Variants in CFH observed in about 807,000 individuals in gnomAD.
The protein encoded by CFH is H factor 1 (complement).
A neutral mutation model predicts 147.3 loss-of-function variants in CFH; 53 were observed. That is an observed-to-expected ratio of 0.36 (90% CI 0.29 to 0.45). CFH has a LOEUF of 0.45. CFH is among the 20% of genes least tolerant of loss of function. The probability of loss-of-function intolerance (pLI) is 1.00; values close to 1 mark genes in which losing one functional copy is unlikely to be tolerated. For synonymous variants in CFH, 536 were observed against 489.4 expected (o/e 1.10, Z -1.26); for missense variants, 1,380 against 1,498.0 (o/e 0.92, Z 1.30).
chr1:196,708,686 A>G (rs1668652534), intron 9 of CFH, among the ~76,000 whole-genome samples: 1 of 152,084 alleles, frequency 6.6e-6, no homozygotes, highest in Non-Finnish European at 1.5e-5. Context: ...TATTTGTGGC[A>G]TAGGATCAGA....
At chr1:196,666,513 G>A (rs982160382) in intron 1 of CFH, among the ~76,000 whole-genome samples, 1 of 151,734 alleles carries the variant, frequency 6.6e-6, no homozygotes, top group African/African-American at 2.4e-5. Flanking sequence ...CTTGCCAAGT[G>A]CGGTGGCTCA....
intron 15 of CFH, among the ~76,000 whole-genome samples, chr1:196,731,364 A>T (rs1317161434): frequency 6.6e-6 from 1 of 151,882 alleles, no homozygotes; most frequent in African/African-American, 2.4e-5. Context: ...ATAGGAACTG[A>T]ATTTTGATTA....
rs549213437 is a variant in CFH at position 196,658,407 on chromosome 1, AT to A, written c.58+6254del. Among the ~76,000 whole-genome samples, 780 of 92,250 alleles carry A rather than the reference AT, an allele frequency of 8.5e-3. 8 individuals are homozygous for A. Among genetic ancestry groups the A allele is most frequent in the East Asian group, 0.02 (60 of 2,964 alleles). 60.5% of individuals were successfully genotyped at this position (92,250 alleles called of 152,430 possible). A position where few individuals can be genotyped will look rare whatever the true frequency, so the allele number is the denominator to read the frequency against. ...GGATTACAGCCACCTTGCTCAGGTA[AT>A]TTTTTTTTTTTTTTTTTTTTTGAGA... is the stretch of plus-strand genomic sequence containing the variant. On this transcript the variant is annotated intron_variant, in intron 1 of 21. Coordinates refer to ENST00000367429, the MANE Select transcript of CFH (RefSeq NM_000186.4).
intron 9 of CFH, among the ~76,000 whole-genome samples, chr1:196,695,615 A>T (rs1409432035): frequency 2.0e-5 from 3 of 152,070 alleles, no homozygotes; most frequent in Non-Finnish European, 4.4e-5. Flanking sequence ...CATTTTCATG[A>T]TATTGATTCT....
At chr1:196,694,251 T>C (rs1668170516) in intron 9 of CFH, among the ~76,000 whole-genome samples, 1 of 151,990 alleles carries the variant, frequency 6.6e-6, no homozygotes, top group South Asian at 2.1e-4. Flanking sequence ...TGAGAATATG[T>C]GGTGTTTTGT....
chr1:196,704,639 T>C (rs1453679997), intron 9 of CFH, among the ~76,000 whole-genome samples: 3 of 152,202 alleles, frequency 2.0e-5, no homozygotes, highest in African/African-American at 7.2e-5. Context: ...TCAAGTTTTG[T>C]GCAGGAGTGG....
chr1:196,702,997 C>T (rs1668499182), intron 9 of CFH, among the ~76,000 whole-genome samples: 1 of 152,142 alleles, frequency 6.6e-6, no homozygotes, highest in Non-Finnish European at 1.5e-5. Context: ...TGATGTTTAT[C>T]CAACAAAGTG....
intron 1 of CFH, among the ~76,000 whole-genome samples, chr1:196,662,759 G>C (rs1323372683): frequency 6.6e-6 from 1 of 151,998 alleles, no homozygotes; most frequent in Non-Finnish European, 1.5e-5. Context: ...GTTTGTGACT[G>C]TAGTCACAGC....
intron 21 of CFH, 96 bp downstream of exon 21, chr1:196,746,095 C>A (rs1652994370): frequency 1.9e-6 from 3 of 1,595,310 alleles, no homozygotes; most frequent in Non-Finnish European, 2.6e-6. Flanking sequence ...ATTGAACAAC[C>A]ATTCTGCTGA....
intron 5 of CFH, chr1:196,677,874 C>G (rs1667512332): frequency 1.8e-6 from 1 of 542,240 alleles, no homozygotes; most frequent in Non-Finnish European, 3.3e-6. Flanking sequence ...TTACTCATCA[C>G]TTTCATTTTA....
chr1:196,672,886 T>C, intron 1 of CFH, 92 bp from the exon 2 acceptor site: 1 of 992,392 alleles, frequency 1.0e-6, no homozygotes. Context: ...GACCTGTGAC[T>C]GTCTAGGCAT....
At chr1:196,743,844 G>GA (rs540824690) in intron 20 of CFH, among the ~76,000 whole-genome samples, 1 of 152,046 alleles carries the variant, frequency 6.6e-6, no homozygotes, top group African/African-American at 2.4e-5. Context: ...GTTGGAACCT[G>GA]AAAAACAATA....
intron 9 of CFH, among the ~76,000 whole-genome samples, chr1:196,697,683 C>T (rs576470316): frequency 5.9e-5 from 9 of 152,206 alleles, no homozygotes; most frequent in African/African-American, 1.9e-4. Flanking sequence ...ATAAATCATG[C>T]TGCTATAAAG....
chr1:196,687,460 T>G (rs1667867098), intron 7 of CFH, among the ~76,000 whole-genome samples: 1 of 152,054 alleles, frequency 6.6e-6, no homozygotes, highest in Non-Finnish European at 1.5e-5. Flanking sequence ...TTATGCCTCC[T>G]TTTTATTCCT....
Position 196,713,533 on chromosome 1 carries a change from T to G in CFH, c.1337-202T>G, listed in dbSNP as rs1009723648. On this transcript the variant is annotated intron_variant, in intron 9 of 21. Transcript: ENST00000367429. ...TAAGTGTCTTAAATAGAGCCTTGTT[T>G]TAAAAAGTGATGAAGAGTCTTGATG... Among the ~76,000 whole-genome samples the G allele has an allele frequency of 1.4e-4, 22 of 152,182 alleles. 1 individual carries two copies. The highest frequency in any genetic ancestry group is 1.5e-5 in the Non-Finnish European group (1 of 68,020).
intron 1 of CFH, among the ~76,000 whole-genome samples, chr1:196,656,283 G>A (rs1310178788): frequency 2.7e-5 from 4 of 148,202 alleles, no homozygotes; most frequent in African/African-American, 7.5e-5. Context: ...CAGCTTGGGC[G>A]ACAGAGGGAG....
chr1:196,683,085 A>T (rs1210187464), intron 6 of CFH, among the ~76,000 whole-genome samples: 1 of 151,656 alleles, frequency 6.6e-6, no homozygotes, highest in Non-Finnish European at 1.5e-5. Context: ...TGCAGGGCCC[A>T]AAAATTAAAA....
chr1:196,699,679 A>G (rs1668393336), intron 9 of CFH, among the ~76,000 whole-genome samples: 1 of 152,204 alleles, frequency 6.6e-6, no homozygotes, highest in African/African-American at 2.4e-5. Flanking sequence ...GGTATGAGGA[A>G]TATGTAGAGG....
chr1:196,710,423 G>A (rs1299661532), intron 9 of CFH, among the ~76,000 whole-genome samples: 1 of 152,146 alleles, frequency 6.6e-6, no homozygotes, highest in Admixed American at 6.5e-5. Context: ...ATGCATGTGA[G>A]TCTATTTCTG....
Sources: gnomAD v4.1 joint callset for allele counts (sites outside exome capture counted in the v4.1 genomes callset) on GRCh38, gnomAD v4.1.1 for gene constraint, MANE v1.5 for transcripts, NCBI Gene and HGNC (gene_info 2026-07-23, HGNC 2026-07-21) for gene names.